Variants in DDR2 observed in about 807,000 individuals in gnomAD.
DDR2 encodes discoidin domain-containing receptor 2.
In DDR2, 27 loss-of-function variants were observed where a neutral mutation model predicts 94.9. The ratio of observed to expected loss-of-function variants is 0.28; its 90% CI spans 0.21 to 0.39. The LOEUF (loss-of-function observed/expected upper bound fraction) is 0.39. Ranked by LOEUF, DDR2 falls within the 10% of genes least tolerant of loss-of-function variation. The pLI, the probability that DDR2 is intolerant of heterozygous loss-of-function variation, is 1.00. For synonymous variants in DDR2, 382 were observed against 377.2 expected (o/e 1.01, Z -0.15); for missense variants, 783 against 1,076.0 (o/e 0.73, Z 3.81).
intron 2 of DDR2, among the ~76,000 whole-genome samples, chr1:162,701,553 T>G (rs768839739): frequency 6.6e-6 from 1 of 152,240 alleles, no homozygotes; most frequent in African/African-American, 2.4e-5. Context: ...AACCTGCTTT[T>G]GCACTCTGGT....
intron 2 of DDR2, among the ~76,000 whole-genome samples, chr1:162,715,957 T>C (rs1661150543): frequency 6.6e-6 from 1 of 152,198 alleles, no homozygotes; most frequent in Non-Finnish European, 1.5e-5. Flanking sequence ...TAGTCAACAT[T>C]TTTTGAACAC....
intron 3 of DDR2, among the ~76,000 whole-genome samples, chr1:162,746,783 G>T (rs574777744): frequency 2.6e-5 from 4 of 152,324 alleles, no homozygotes; most frequent in Admixed American, 2.6e-4. Context: ...CCAGAGGAAG[G>T]ATCAGGCAGC....
intron 2 of DDR2, among the ~76,000 whole-genome samples, chr1:162,709,339 G>A (rs1428395464): frequency 6.6e-6 from 1 of 152,178 alleles, no homozygotes; most frequent in African/African-American, 2.4e-5. Context: ...AGAGTTTTAG[G>A]AAGGAAAAAC....
chr1:162,740,050 T>C (rs984623972), intron 3 of DDR2, among the ~76,000 whole-genome samples: 3 of 152,128 alleles, frequency 2.0e-5, no homozygotes, highest in Admixed American at 2.0e-4. Context: ...TTTACATCTA[T>C]CTCTAAAGTT....
intron 14 of DDR2, among the ~76,000 whole-genome samples, chr1:162,774,562 T>C (rs1647417115): frequency 6.6e-6 from 1 of 152,184 alleles, no homozygotes; most frequent in South Asian, 2.1e-4. Flanking sequence ...CTGGTAAGAA[T>C]AAAAAGTGAC....
At chr1:162,754,318 C>T (rs899362148) in intron 4 of DDR2, among the ~76,000 whole-genome samples, 1 of 152,108 alleles carries the variant, frequency 6.6e-6, no homozygotes, top group African/African-American at 2.4e-5. Flanking sequence ...ATGACTCATG[C>T]GGGAACAGAG....
rs577392012 is a variant in DDR2 at position 162,680,489 on chromosome 1, C to T, written c.-28+25115C>T. Among the ~76,000 whole-genome samples, 5 of 152,300 alleles carry T rather than the reference C, an allele frequency of 3.3e-5. No individual in the cohort carries two copies. In the South Asian group the frequency reaches 1.0e-3, roughly 32 times the overall value. ...GGGCTCTCTATTCAATTACATTGGT[C>T]TATATGTCTGTTTCTGTATCAGCAC... On this transcript the variant is annotated intron_variant, in intron 2 of 17. Transcript: ENST00000367921.
intron 1 of DDR2, among the ~76,000 whole-genome samples, chr1:162,639,653 T>C (rs764524489): frequency 9.2e-5 from 14 of 152,212 alleles, no homozygotes; most frequent in Non-Finnish European, 1.8e-4. Context: ...TCATTAAAAT[T>C]GTAAACTTCC....
At chr1:162,728,804 C>T (rs140015750) in intron 3 of DDR2, among the ~76,000 whole-genome samples, 50 of 152,112 alleles carry the variant, frequency 3.3e-4, no homozygotes, top group African/African-American at 1.1e-3. Flanking sequence ...CCACGTGATA[C>T]GGTTACTAGA....
intron 3 of DDR2, among the ~76,000 whole-genome samples, chr1:162,749,228 G>T (rs945304954): frequency 6.6e-6 from 1 of 152,032 alleles, no homozygotes; most frequent in African/African-American, 2.4e-5. Context: ...CTGGTTTTTT[G>T]AAAAGATCAA....
At chr1:162,686,606 C>T (rs994674394) in intron 2 of DDR2, among the ~76,000 whole-genome samples, 18 of 152,268 alleles carry the variant, frequency 1.2e-4, no homozygotes, top group Admixed American at 1.3e-4. Flanking sequence ...TTTTCTTTAT[C>T]CAGTCTATCA....
At chr1:162,768,593 A>C (rs1571314494) in intron 11 of DDR2, among the ~76,000 whole-genome samples, 1 of 152,180 alleles carries the variant, frequency 6.6e-6, no homozygotes, top group Non-Finnish European at 1.5e-5. Context: ...TAGATGCAGG[A>C]TGGGAGAAAA....
At chr1:162,716,267 G>T (rs1661163746) in intron 2 of DDR2, among the ~76,000 whole-genome samples, 1 of 152,160 alleles carries the variant, frequency 6.6e-6, no homozygotes, top group Non-Finnish European at 1.5e-5. Flanking sequence ...AGGAGAGAGA[G>T]AGAATTCTAG....
At chr1:162,737,709 T>C (rs1469249027) in intron 3 of DDR2, among the ~76,000 whole-genome samples, 1 of 113,254 alleles carries the variant, frequency 8.8e-6, no homozygotes, top group Non-Finnish European at 1.8e-5. Flanking sequence ...GTATTTCTAG[T>C]TCTAGATCCC....
intron 3 of DDR2, among the ~76,000 whole-genome samples, chr1:162,728,291 CA>C (rs1211084578): frequency 6.6e-6 from 1 of 150,530 alleles, no homozygotes; most frequent in Non-Finnish European, 1.5e-5. Flanking sequence ...ACATTTTACC[CA>C]ATCAGGTCAA....
Position 162,755,886 on chromosome 1 carries a change from C to G in DDR2, c.671+117C>G, listed in dbSNP as rs990976259. 3.3e-6 allele frequency: 3 copies of G among 909,912 alleles called. No homozygotes were observed. The African/African-American group carries it at 4.9e-5, about 15-fold the overall frequency. 56.4% of individuals were successfully genotyped at this position (909,912 alleles called of 1,614,324 possible). On this transcript the variant is annotated intron_variant, in intron 7 of 17. Coordinates refer to ENST00000367921, the MANE Select transcript of DDR2 (RefSeq NM_006182.4). ...AATCAGTATTTATTTAGTTCTTGTACAAGGCATTTGGAAATAATTTAGATG... is the reference window on the plus strand; with the variant it reads ...AATCAGTATTTATTTAGTTCTTGTAGAAGGCATTTGGAAATAATTTAGATG...
At chr1:162,656,588 C>T (rs1657976426) in intron 2 of DDR2, among the ~76,000 whole-genome samples, 1 of 151,806 alleles carries the variant, frequency 6.6e-6, no homozygotes, top group South Asian at 2.1e-4. Context: ...CTTCCTCCCT[C>T]CTTTCCTTCC....
chr1:162,767,096 A>AAGT, intron 10 of DDR2, 133 bp from the exon 11 acceptor site: 1 of 1,297,896 alleles, frequency 7.7e-7, no homozygotes, highest in South Asian at 1.2e-5. Flanking sequence ...GAATAAGCAG[A>AAGT]AGTATTAAGG....
chr1:162,698,329 T>C (rs1457759505), intron 2 of DDR2, among the ~76,000 whole-genome samples: 3 of 152,184 alleles, frequency 2.0e-5, no homozygotes, highest in Non-Finnish European at 4.4e-5. Flanking sequence ...TCTTGCTGTA[T>C]GCACACTTGA....
Sources: allele counts gnomAD v4.1 joint callset (sites outside exome capture counted in the v4.1 genomes callset), GRCh38; gene constraint gnomAD v4.1.1; transcripts MANE v1.5; gene names NCBI Gene and HGNC (gene_info 2026-07-23, HGNC 2026-07-21).